Variants in PCDH15 observed in about 807,000 individuals in gnomAD.
PCDH15 encodes the protein protocadherin-15.
PCDH15 carries 129 observed loss-of-function variants against 178.5 expected under a neutral mutation model. The ratio of observed to expected loss-of-function variants is 0.72; its 90% CI spans 0.63 to 0.84. PCDH15 has a LOEUF of 0.84. Among genes scored for constraint, PCDH15 ranks in the 40% least tolerant of loss-of-function variants. The probability of loss-of-function intolerance (pLI) is 0.00; values close to 1 mark genes in which losing one functional copy is unlikely to be tolerated. For synonymous variants in PCDH15, 800 were observed against 732.0 expected (o/e 1.09, Z -1.50); for missense variants, 2,230 against 2,099.9 (o/e 1.06, Z -1.21).
At chr10:55,140,386 G>A (rs1002930581) in intron 2 of PCDH15, among the ~76,000 whole-genome samples, 2 of 151,724 alleles carry the variant, frequency 1.3e-5, no homozygotes, top group African/African-American at 4.8e-5. Flanking sequence ...GTGGCCAAGG[G>A]TCCCGATTAA....
At chr10:55,253,618 T>C (rs376543242) in intron 1 of PCDH15, among the ~76,000 whole-genome samples, 1 of 150,742 alleles carries the variant, frequency 6.6e-6, no homozygotes, top group Admixed American at 6.6e-5. Flanking sequence ...TTTTTTTTTC[T>C]TTTTTGTTCT....
chr10:54,581,333 C>T (rs1489611999), intron 2 of PCDH15, among the ~76,000 whole-genome samples: 1 of 152,024 alleles, frequency 6.6e-6, no homozygotes, highest in Non-Finnish European at 1.5e-5. Context: ...ATCACATTTA[C>T]AATACCCACA....
intron 2 of PCDH15, among the ~76,000 whole-genome samples, chr10:54,610,108 A>G (rs1315102093): frequency 6.6e-6 from 1 of 151,884 alleles, no homozygotes; most frequent in African/African-American, 2.4e-5. Context: ...TCTTCCTCTT[A>G]GGGGATGTGA....
At chr10:54,051,557 G>C (rs1338231773) in intron 18 of PCDH15, among the ~76,000 whole-genome samples, 1 of 152,182 alleles carries the variant, frequency 6.6e-6, no homozygotes, top group Non-Finnish European at 1.5e-5. Flanking sequence ...ACTTGAGAGA[G>C]ATTATTTAAG....
chr10:54,632,773 T>C (rs2093736787), intron 2 of PCDH15, among the ~76,000 whole-genome samples: 1 of 152,080 alleles, frequency 6.6e-6, no homozygotes, highest in African/African-American at 2.4e-5. Context: ...GATCTATTAA[T>C]CACTCATCTA....
At chr10:54,432,148 C>A (rs7909356) in intron 3 of PCDH15, among the ~76,000 whole-genome samples, 8,055 of 151,946 alleles carry the variant, frequency 0.053, 722 homozygotes, top group African/African-American at 0.18. Context: ...ATAGTACCCA[C>A]AGCAATTCAC....
upstream of PCDH15, among the ~76,000 whole-genome samples, chr10:54,803,625 A>G (rs1027782371): frequency 6.6e-6 from 1 of 152,210 alleles, no homozygotes; most frequent in Non-Finnish European, 1.5e-5. Context: ...CATGTGGACT[A>G]GACACACTGC....
At chr10:55,028,242 G>C (rs1840525265) in intron 2 of PCDH15, among the ~76,000 whole-genome samples, 1 of 151,840 alleles carries the variant, frequency 6.6e-6, no homozygotes, top group Non-Finnish European at 1.5e-5. Context: ...GCTAAAAATA[G>C]TGGAACTAAC....
At chr10:54,733,295 G>C (rs747691261) in intron 1 of PCDH15, among the ~76,000 whole-genome samples, 3 of 151,438 alleles carry the variant, frequency 2.0e-5, no homozygotes, top group Non-Finnish European at 4.4e-5. Flanking sequence ...TAAGTCACAG[G>C]ATACAAAAAT....
intron 1 of PCDH15, among the ~76,000 whole-genome samples, chr10:55,171,249 G>T (rs1704475858): frequency 6.6e-6 from 1 of 152,188 alleles, no homozygotes; most frequent in African/African-American, 2.4e-5. Flanking sequence ...CCAATGCCAA[G>T]CTACTGATTC....
chr10:54,535,052 A>G (rs956336697), intron 2 of PCDH15, among the ~76,000 whole-genome samples: 6 of 152,224 alleles, frequency 3.9e-5, no homozygotes, highest in Non-Finnish European at 5.9e-5. Context: ...TTCAGTTCCA[A>G]TTCAAGAACA....
chr10:54,244,484 C>T (rs545335148), intron 8 of PCDH15, among the ~76,000 whole-genome samples: 3 of 152,232 alleles, frequency 2.0e-5, no homozygotes, highest in Admixed American at 1.3e-4. Flanking sequence ...TTGTTGGTAA[C>T]AAAAGGTTGG....
Position 53,912,187 on chromosome 10 carries a change from A to G in PCDH15, c.3374-8817T>C, listed in dbSNP as rs143792043. 5.5e-3 allele frequency among the ~76,000 whole-genome samples: 830 copies of G among 152,244 alleles called. 8 individuals carry two copies. The highest frequency in any genetic ancestry group is 0.019 in the African/African-American group (776 of 41,554). ...AATCCATCACATAAAGAGAAACAAC[A>G]ACAAAAACCACATGATTATCTCAAT... On this transcript the variant is annotated intron_variant, in intron 25 of 37. Coordinates refer to ENST00000644397, the MANE Select transcript of PCDH15 (RefSeq NM_001384140.1).
chr10:55,488,344 G>A (rs1416679402), intron 2 of PCDH15, among the ~76,000 whole-genome samples: 1 of 151,544 alleles, frequency 6.6e-6, no homozygotes, highest in Admixed American at 6.6e-5. Flanking sequence ...TGTCTACAGT[G>A]TAGTGCCTTA....
chr10:54,638,846 C>A (rs957942556), intron 2 of PCDH15, among the ~76,000 whole-genome samples: 5 of 151,972 alleles, frequency 3.3e-5, no homozygotes, highest in Non-Finnish European at 7.4e-5. Context: ...CACGGAACAC[C>A]GCTCAGCTAT....
At chr10:54,466,147 T>C (rs1447382870) in intron 3 of PCDH15, among the ~76,000 whole-genome samples, 2 of 151,988 alleles carry the variant, frequency 1.3e-5, no homozygotes, top group Non-Finnish European at 1.5e-5. Context: ...TTCTCCCAGT[T>C]CTACAGATTG....
chr10:54,474,196 A>C (rs11004326), intron 3 of PCDH15, among the ~76,000 whole-genome samples: 14,532 of 151,908 alleles, frequency 0.096, 893 homozygotes, highest in East Asian at 0.28. Context: ...ATAGTATCCT[A>C]ATTTCTCAAC....
chr10:55,413,162 A>G (rs1336821178), intron 2 of PCDH15, among the ~76,000 whole-genome samples: 1 of 151,826 alleles, frequency 6.6e-6, no homozygotes, highest in Non-Finnish European at 1.5e-5. Context: ...AATATTTATT[A>G]AGAATATAAA....
intron 14 of PCDH15, among the ~76,000 whole-genome samples, chr10:54,134,626 G>T (rs554471677): frequency 2.0e-5 from 3 of 151,570 alleles, no homozygotes; most frequent in Non-Finnish European, 2.9e-5. Context: ...GGTTGCGGGC[G>T]CCTGGGGTCC....
Sources: allele counts gnomAD v4.1 joint callset (sites outside exome capture counted in the v4.1 genomes callset), GRCh38; gene constraint gnomAD v4.1.1; transcripts MANE v1.5; gene names NCBI Gene and HGNC (gene_info 2026-07-23, HGNC 2026-07-21).